SPIRE1: variants seen among roughly 807,000 people sequenced by gnomAD.
SPIRE1 encodes the protein protein spire homolog 1.
In SPIRE1, 40 loss-of-function variants were observed where a neutral mutation model predicts 94.1. The ratio of observed to expected loss-of-function variants is 0.43; its 90% CI spans 0.33 to 0.55. The LOEUF is 0.55. Ranked by LOEUF, SPIRE1 falls within the 20% of genes least tolerant of loss-of-function variation. The pLI, the probability that SPIRE1 is intolerant of heterozygous loss-of-function variation, is 0.06. For synonymous variants in SPIRE1, 376 were observed against 371.7 expected (o/e 1.01, Z -0.13); for missense variants, 838 against 975.2 (o/e 0.86, Z 1.87).
At chr18:12,632,430 T>C (rs140234564) in intron 2 of SPIRE1, among the ~76,000 whole-genome samples, 17 of 152,336 alleles carry the variant, frequency 1.1e-4, no homozygotes, top group African/African-American at 4.1e-4. Context: ...TGTTTTTTAA[T>C]TCCTTCTGTC....
rs371987064 is a variant in SPIRE1, at chr18:12,464,943, T to C, written c.1420A>G (p.Lys474Glu). The C allele has an allele frequency of 2.5e-5, 40 of 1,613,896 alleles. No homozygotes were observed. The highest frequency in any genetic ancestry group is 3.0e-5 in the Non-Finnish European group (35 of 1,179,984). ...SSESEEETLHKSTSSSSVSPS... is the reference protein window; with the variant it reads ...SSESEEETLHESTSSSSVSPS... ...GACACGCTGCTGCTGCTGGTCGACT[T>C]GTGCAGCGTTTCTTCCTGAGCAAAG... The change falls in exon 11 of 17, where the codon AAG becomes GAG. Residue 474 changes from lysine to glutamate, a missense_variant. By Grantham distance (56) the Lys-to-Glu change is moderately conservative (BLOSUM62 1). Around this residue, in one of 2 missense-constraint regions of SPIRE1, gnomAD observed 645 missense variants for 804.7 expected, o/e 0.80. Transcript: ENST00000409402.
Position 12,647,044 on chromosome 18 carries a change from C to CAA in SPIRE1, c.337+10484_337+10485dup, listed in dbSNP as rs34928573. 4.5e-4 allele frequency among the ~76,000 whole-genome samples: 35 copies of CAA among 78,406 alleles called. No individual in the cohort carries two copies. In the South Asian group the frequency reaches 4.6e-3, roughly 10 times the overall value. The allele number at this position is 78,406 out of a possible 152,430, so 51.4% of individuals were successfully genotyped here. On this transcript the variant is annotated intron_variant, in intron 1 of 16. Coordinates refer to ENST00000409402, the MANE Select transcript of SPIRE1 (RefSeq NM_001128626.2). ...GGGCAACAAGAGCAAAACTCTGACTCAAAAAAAAAAAAAAAAGCATTAGCA... is the reference window on the plus strand; with the variant it reads ...GGGCAACAAGAGCAAAACTCTGACTCAAAAAAAAAAAAAAAAAAGCATTAGCA...
intron 2 of SPIRE1, among the ~76,000 whole-genome samples, chr18:12,563,758 G>A (rs898627148): frequency 7.2e-5 from 11 of 151,802 alleles, no homozygotes; most frequent in Admixed American, 2.6e-4. Flanking sequence ...ACAAGATACC[G>A]AAAAAGAAAA....
intron 2 of SPIRE1, among the ~76,000 whole-genome samples, chr18:12,596,663 C>T (rs142813516): frequency 6.6e-5 from 10 of 152,024 alleles, no homozygotes; most frequent in African/African-American, 2.4e-4. Context: ...GGCATTGGAT[C>T]TAATTTTTTA....
At chr18:12,605,294 G>A (rs568896225) in intron 2 of SPIRE1, among the ~76,000 whole-genome samples, 15 of 152,172 alleles carry the variant, frequency 9.9e-5, no homozygotes, top group Admixed American at 3.9e-4. Flanking sequence ...CGAGGTGGGC[G>A]GACCATGAGG....
chr18:12,538,307 T>A (rs1344492821), intron 3 of SPIRE1, among the ~76,000 whole-genome samples: 4 of 152,150 alleles, frequency 2.6e-5, no homozygotes, highest in Non-Finnish European at 4.4e-5. Flanking sequence ...CATCAGGGGT[T>A]AGGGGGACAA....
At chr18:12,462,517 T>C (rs751419201) in intron 12 of SPIRE1, among the ~76,000 whole-genome samples, 6 of 152,226 alleles carry the variant, frequency 3.9e-5, no homozygotes, top group Non-Finnish European at 7.3e-5. Context: ...AACCCTTGTG[T>C]GCTGCCCACT....
chr18:12,624,377 T>C (rs1019504870), intron 2 of SPIRE1, among the ~76,000 whole-genome samples: 7 of 151,456 alleles, frequency 4.6e-5, no homozygotes, highest in African/African-American at 1.7e-4. Flanking sequence ...ACCCCGTCTC[T>C]ACTGAAATTA....
At position 12,463,396 on chromosome 18, in the gene SPIRE1, G is replaced by C. The variant is rs779597266; in HGVS notation, c.1593C>G (p.Asn531Lys). Residue 531 changes from asparagine (N) to lysine (K), a missense_variant, in exon 12 of 17, where the codon AAC becomes AAG. Asn to Lys is a moderately conservative substitution (Grantham distance 94). Coordinates refer to ENST00000409402, the MANE Select transcript of SPIRE1 (RefSeq NM_001128626.2). ...RHSIEKETPT[N>K]VRQFLPPSRQ... ...TGGAAGGCGGCAGGAACTGCCTCACGTTAGTAGGCGTTTCCTTTTCAATGG... is the reference window on the plus strand; with the variant it reads ...TGGAAGGCGGCAGGAACTGCCTCACCTTAGTAGGCGTTTCCTTTTCAATGG... 6.2e-7 allele frequency: 1 copy of C among 1,613,852 alleles called. No homozygotes were observed. The highest frequency in any genetic ancestry group is 8.5e-7 in the Non-Finnish European group (1 of 1,179,938).
In SPIRE1 at chr18:12,522,936, C is replaced by T. The variant is rs74351662; in HGVS notation, c.730-10405G>A. ...AACATCTATTGTACAGCCCCATGGA[C>T]CAAGGAATAATTTTTACTTGCAAGT... On this transcript the variant is annotated intron_variant, in intron 4 of 16. Coordinates refer to ENST00000409402, the MANE Select transcript of SPIRE1 (RefSeq NM_001128626.2). Among the ~76,000 whole-genome samples, 1,334 of 152,190 alleles carry T rather than the reference C, an allele frequency of 8.8e-3. 27 individuals are homozygous for T. Among genetic ancestry groups the T allele is most frequent in the African/African-American group, 0.031 (1,287 of 41,498 alleles).
At chr18:12,494,717 T>A (rs2033380130) in intron 7 of SPIRE1, among the ~76,000 whole-genome samples, 1 of 149,670 alleles carries the variant, frequency 6.7e-6, no homozygotes, top group Non-Finnish European at 1.5e-5. Flanking sequence ...CAGGCGCCTG[T>A]AGTCCCAGCT....
chr18:12,645,750 A>G (rs988610088), intron 1 of SPIRE1, among the ~76,000 whole-genome samples: 6 of 152,088 alleles, frequency 3.9e-5, no homozygotes, highest in Admixed American at 1.3e-4. Context: ...TGCTTACATC[A>G]TTTTCCTGCT....
chr18:12,585,083 C>T (rs1171995266), intron 2 of SPIRE1, among the ~76,000 whole-genome samples: 61 of 152,248 alleles, frequency 4.0e-4, no homozygotes, highest in South Asian at 4.1e-4. Context: ...GGATTACAGG[C>T]GTGAGCTACC....
chr18:12,571,194 C>A (rs1434451399), intron 2 of SPIRE1, among the ~76,000 whole-genome samples: 1 of 152,116 alleles, frequency 6.6e-6, no homozygotes, highest in East Asian at 1.9e-4. Context: ...CCTGCCTTAG[C>A]CTCCCGAGTA....
intron 2 of SPIRE1, among the ~76,000 whole-genome samples, chr18:12,576,692 A>T (rs2036110794): frequency 6.6e-6 from 1 of 151,352 alleles, no homozygotes; most frequent in Non-Finnish European, 1.5e-5. Flanking sequence ...GATCGAGACC[A>T]TCCTGGCTAA....
chr18:12,639,072 G>A (rs1431239833), intron 1 of SPIRE1, among the ~76,000 whole-genome samples: 3 of 152,158 alleles, frequency 2.0e-5, no homozygotes, highest in Admixed American at 1.3e-4. Flanking sequence ...GTACTGTCCA[G>A]GCTAACTACC....
At chr18:12,504,958 G>GGCT (rs2033780380) in intron 6 of SPIRE1, among the ~76,000 whole-genome samples, 1 of 152,140 alleles carries the variant, frequency 6.6e-6, no homozygotes, top group African/African-American at 2.4e-5. Flanking sequence ...AGATCAGGGT[G>GGCT]GCTAACAAGC....
chr18:12,482,499 GA>G (rs947505529), intron 9 of SPIRE1, among the ~76,000 whole-genome samples: 4 of 151,538 alleles, frequency 2.6e-5, no homozygotes, highest in Non-Finnish European at 4.4e-5. Context: ...TTTTGCTGCA[GA>G]AAAAAAATAC....
rs541215987 is a variant in SPIRE1, at chr18:12,485,303, C to T, written c.1231+656G>A. Among the ~76,000 whole-genome samples the T allele has an allele frequency of 2.3e-3, 350 of 152,206 alleles. 2 individuals are homozygous for T. The highest frequency in any genetic ancestry group is 0.014 in the South Asian group (68 of 4,822). On this transcript the variant is annotated intron_variant, in intron 9 of 16. Transcript: ENST00000409402. ...TGTATTTTTAGTAGAGACGGGGTTT[C>T]ACCGTGTTAGCCAGGATGGTCTCCA...
Sources: allele counts gnomAD v4.1 joint callset (sites outside exome capture counted in the v4.1 genomes callset), GRCh38; gene constraint gnomAD v4.1.1; regional missense constraint gnomAD v4.1.1; transcripts MANE v1.5; gene names NCBI Gene and HGNC (gene_info 2026-07-23, HGNC 2026-07-21).